NELL1: variants seen among roughly 807,000 people sequenced by gnomAD.
NELL1 encodes neural EGFL like 1.
Under a neutral mutation model 107.4 loss-of-function variants are expected in NELL1, and 76 were observed. The observed-to-expected ratio is 0.71, with a 90% confidence interval of 0.59 to 0.86. NELL1 has a LOEUF of 0.86. Ranked by LOEUF, NELL1 falls within the 40% of genes least tolerant of loss-of-function variation. The pLI is 0.00. For synonymous variants in NELL1, 353 were observed against 341.2 expected, an observed-to-expected ratio of 1.03 and a Z score of -0.38; for missense variants, 1,024 against 1,005.5, an observed-to-expected ratio of 1.02 and a Z score of -0.25.
chr11:21,053,022 T>C (rs1853532767), intron 12 of NELL1, among the ~76,000 whole-genome samples: 1 of 152,122 alleles, frequency 6.6e-6, no homozygotes, highest in African/African-American at 2.4e-5. Flanking sequence ...GACCACCCAC[T>C]GAAGCAGAAT....
intron 5 of NELL1, among the ~76,000 whole-genome samples, chr11:20,889,528 G>T (rs1475515476): frequency 6.6e-6 from 1 of 152,154 alleles, no homozygotes; most frequent in Admixed American, 6.5e-5. Context: ...GAGAGCAAAT[G>T]CATGTTGACA....
At position 21,092,329 on chromosome 11, in the gene NELL1, G is replaced by A. The variant is rs530143378; in HGVS notation, c.1301-21260G>A. 9.9e-5 allele frequency among the ~76,000 whole-genome samples: 15 copies of A among 152,206 alleles called. 1 individual carries two copies. In the South Asian group the frequency reaches 2.9e-3, roughly 29 times the overall value. ...AGCTGGCTGACTAGCATTAGACCTG[G>A]ATCTAGTAGGTTTTGGCTGTACAGT... On this transcript the variant is annotated intron_variant, in intron 12 of 19. Transcript: ENST00000357134.
chr11:21,352,283 G>T (rs1199094347), intron 14 of NELL1, among the ~76,000 whole-genome samples: 1 of 152,016 alleles, frequency 6.6e-6, no homozygotes, highest in African/African-American at 2.4e-5. Flanking sequence ...TATTTGTTTA[G>T]TTTATATTTT....
At chr11:21,542,786 T>G (rs952996753) in intron 16 of NELL1, among the ~76,000 whole-genome samples, 5 of 152,036 alleles carry the variant, frequency 3.3e-5, no homozygotes, top group African/African-American at 1.2e-4. Flanking sequence ...TTAAAAGCAA[T>G]TAGAATAGTA....
At chr11:21,497,372 G>A (rs1855010082) in intron 15 of NELL1, among the ~76,000 whole-genome samples, 1 of 151,928 alleles carries the variant, frequency 6.6e-6, no homozygotes, top group East Asian at 1.9e-4. Flanking sequence ...TTTTCCTCTG[G>A]TCATATCCCA....
intron 10 of NELL1, among the ~76,000 whole-genome samples, chr11:20,938,928 C>G (rs914045008): frequency 1.4e-4 from 17 of 122,218 alleles, no homozygotes; most frequent in African/African-American, 4.3e-4. Context: ...CTCTCTCTCT[C>G]TCTCTCTCTC....
At chr11:21,340,555 T>C (rs767327890) in intron 14 of NELL1, among the ~76,000 whole-genome samples, 2 of 148,688 alleles carry the variant, frequency 1.3e-5, no homozygotes, top group Non-Finnish European at 3.0e-5. Context: ...ATTGCAGATA[T>C]AATTAGTTAA....
Position 20,759,375 on chromosome 11 carries a change from G to A in NELL1, c.185-24305G>A, listed in dbSNP as rs183613217. ...TGGAAGAAGAAGATCACATTGAAAT[G>A]CTGTACACTTCTACTTAATGCTGCT... On this transcript the variant is annotated intron_variant, in intron 2 of 19. Transcript: ENST00000357134. Among the ~76,000 whole-genome samples the A allele has an allele frequency of 9.8e-5, 15 of 152,310 alleles. No individual in the cohort carries two copies. The East Asian group carries it at 2.7e-3, about 27-fold the overall frequency.
intron 4 of NELL1, among the ~76,000 whole-genome samples, chr11:20,857,840 G>C (rs986527548): frequency 2.0e-5 from 3 of 152,208 alleles, no homozygotes; most frequent in African/African-American, 7.2e-5. Flanking sequence ...TGTGACCACA[G>C]ATAGTTTCAG....
chr11:21,490,062 A>C (rs1413932152), intron 15 of NELL1, among the ~76,000 whole-genome samples: 1 of 152,156 alleles, frequency 6.6e-6, no homozygotes, highest in Non-Finnish European at 1.5e-5. Flanking sequence ...CACCACAAAA[A>C]AATCTCCTAC....
chr11:20,936,782 C>A (rs547916683), intron 9 of NELL1, among the ~76,000 whole-genome samples: 1 of 152,124 alleles, frequency 6.6e-6, no homozygotes, highest in Non-Finnish European at 1.5e-5. Flanking sequence ...CTGAGCATCC[C>A]GTGAGAATCA....
At chr11:21,167,297 G>A (rs1288218800) in intron 13 of NELL1, among the ~76,000 whole-genome samples, 2 of 151,748 alleles carry the variant, frequency 1.3e-5, no homozygotes, top group African/African-American at 4.9e-5. Flanking sequence ...CTCTTCTCCT[G>A]GAACAATTCA....
intron 13 of NELL1, among the ~76,000 whole-genome samples, chr11:21,193,291 GT>G (rs1303253041): frequency 6.6e-6 from 1 of 151,756 alleles, no homozygotes; most frequent in African/African-American, 2.4e-5. Flanking sequence ...ATGTTCAGCA[GT>G]TTTGATACTC....
intron 12 of NELL1, among the ~76,000 whole-genome samples, chr11:20,965,877 T>G (rs950668793): frequency 2.0e-5 from 3 of 152,170 alleles, no homozygotes; most frequent in African/African-American, 7.2e-5. Flanking sequence ...GTAAATGCAC[T>G]TCTATAGAAA....
At chr11:21,087,040 C>A (rs141496207) in intron 12 of NELL1, among the ~76,000 whole-genome samples, 2 of 151,926 alleles carry the variant, frequency 1.3e-5, no homozygotes, top group Non-Finnish European at 2.9e-5. Context: ...AGGGTTTCAC[C>A]GTGTTAGCCA....
chr11:21,299,090 T>C (rs1849437121), intron 14 of NELL1, among the ~76,000 whole-genome samples: 1 of 152,006 alleles, frequency 6.6e-6, no homozygotes, highest in Admixed American at 6.6e-5. Context: ...AGGAAAGTAC[T>C]TCTCTCCCAG....
intron 14 of NELL1, among the ~76,000 whole-genome samples, chr11:21,290,901 G>T (rs1565151129): frequency 6.6e-6 from 1 of 152,144 alleles, no homozygotes; most frequent in African/African-American, 2.4e-5. Context: ...AGTGCAAAAA[G>T]GCTGAAAATT....
At chr11:20,955,117 G>A (rs1488358606) in intron 11 of NELL1, among the ~76,000 whole-genome samples, 5 of 152,174 alleles carry the variant, frequency 3.3e-5, no homozygotes, top group African/African-American at 4.8e-5. Flanking sequence ...AGAGAGACAC[G>A]TGATGCCTAA....
At chr11:21,346,610 A>G (rs1214698245) in intron 14 of NELL1, among the ~76,000 whole-genome samples, 4 of 148,110 alleles carry the variant, frequency 2.7e-5, no homozygotes, top group Non-Finnish European at 5.9e-5. Flanking sequence ...ATGATATTTG[A>G]TATATATGCT....
Sources: allele counts gnomAD v4.1 joint callset (sites outside exome capture counted in the v4.1 genomes callset), GRCh38; gene constraint gnomAD v4.1.1; transcripts MANE v1.5; gene names NCBI Gene and HGNC (gene_info 2026-07-23, HGNC 2026-07-21).